Variants in UQCR11 observed in about 807,000 individuals in gnomAD.
UQCR11 encodes the protein cytochrome b-c1 complex subunit 10.
In UQCR11, 10 loss-of-function variants were observed where a neutral mutation model predicts 7.6. That is an observed-to-expected ratio of 1.31 (90% CI 0.81 to 2.22). The LOEUF is 2.22. UQCR11 is among the 30% of genes most tolerant of loss of function. The pLI is 0.00. For missense variants in UQCR11, 86 were observed against 75.1 expected (o/e 1.15, Z -0.54); for synonymous variants, 34 against 34.9 (o/e 0.97, Z 0.09).
At chr19:1,599,766 T>C (rs1302835402) in intron 1 of UQCR11, among the ~76,000 whole-genome samples, 1 of 152,208 alleles carries the variant, frequency 6.6e-6, no homozygotes, top group Non-Finnish European at 1.5e-5. Context: ...CAGTAACTGC[T>C]CAAGGGGCTG....
rs1010548927 is a variant in UQCR11 at position 1,597,594 on chromosome 19, A to C, written c.*650T>G. On this transcript the variant is annotated 3_prime_UTR_variant, in exon 3 of 3. Transcript: ENST00000591899. Reference sequence around the variant, plus strand: ...CAGAGGCCATGCCGTGAGGATGCTCAAGCAGCTTCGTGTAGGGGCCCCCAT... The same window carrying C: ...CAGAGGCCATGCCGTGAGGATGCTCCAGCAGCTTCGTGTAGGGGCCCCCAT... 3 of 152,200 alleles carry C rather than the reference A, an allele frequency of 2.0e-5. No homozygotes were observed. The highest frequency in any genetic ancestry group is 2.9e-5 in the Non-Finnish European group (2 of 68,040). The allele number at this position is 152,200 out of a possible 1,614,324, so 9.4% of individuals were successfully genotyped here. A position where few individuals can be genotyped will look rare whatever the true frequency, so the allele number is the denominator to read the frequency against.
At chr19:1,604,926 G>A (rs2060757699) in intron 1 of UQCR11, among the ~76,000 whole-genome samples, 1 of 152,264 alleles carries the variant, frequency 6.6e-6, no homozygotes, top group African/African-American at 2.4e-5. Flanking sequence ...ATGCCGTCCC[G>A]CTGCCCACGT....
chr19:1,604,528 T>A (rs1362532774), intron 1 of UQCR11, among the ~76,000 whole-genome samples: 2 of 150,032 alleles, frequency 1.3e-5, no homozygotes, highest in South Asian at 2.1e-4. Context: ...TGCTGCTTTT[T>A]TTTTCTTTTC....
At chr19:1,604,992 A>T (rs2060757833) in intron 1 of UQCR11, among the ~76,000 whole-genome samples, 1 of 152,206 alleles carries the variant, frequency 6.6e-6, no homozygotes, top group African/African-American at 2.4e-5. Flanking sequence ...TAAAAACCAA[A>T]ATAGTGGCAA....
intron 1 of UQCR11, 122 bp from the exon 2 acceptor site, chr19:1,599,682 CG>C (rs2060741639): frequency 7.0e-7 from 1 of 1,429,300 alleles, no homozygotes; most frequent in African/African-American, 1.4e-5. Context: ...CACCTGTGCC[CG>C]CCCAGTGCTG....
intron 1 of UQCR11, among the ~76,000 whole-genome samples, chr19:1,600,287 C>T (rs1295838380): frequency 1.4e-5 from 2 of 148,074 alleles, no homozygotes; most frequent in East Asian, 4.0e-4. Context: ...GATCTCGGCT[C>T]ACTGCAATCT....
intron 1 of UQCR11, among the ~76,000 whole-genome samples, chr19:1,601,577 G>A (rs1355284382): frequency 6.9e-6 from 1 of 143,984 alleles, no homozygotes; most frequent in Non-Finnish European, 1.5e-5. Context: ...CTCCAGCCTG[G>A]TGACAGAGCG....
rs1351374562 is a variant in UQCR11 at position 1,597,650 on chromosome 19, A to G, written c.*594T>C. The G allele has an allele frequency of 6.6e-6, 1 of 152,046 alleles. No individual in the cohort carries two copies. Among genetic ancestry groups the G allele is most frequent in the Non-Finnish European group, 1.5e-5 (1 of 67,992 alleles). The allele number at this position is 152,046 out of a possible 1,614,324, so 9.4% of individuals were successfully genotyped here. ...GGAACTGTGGCTGTCACCGACAGCC[A>G]CGTGAGGGCACTGGCTTGGAAGTGG... On this transcript the variant is annotated 3_prime_UTR_variant, in exon 3 of 3. Coordinates refer to ENST00000591899, the MANE Select transcript of UQCR11 (RefSeq NM_006830.4).
intron 1 of UQCR11, among the ~76,000 whole-genome samples, chr19:1,600,792 T>C (rs1305772910): frequency 6.6e-6 from 1 of 152,168 alleles, no homozygotes; most frequent in African/African-American, 2.4e-5. Flanking sequence ...GAGGATCTCT[T>C]GAGCCCAGGA....
intron 1 of UQCR11, among the ~76,000 whole-genome samples, chr19:1,603,620 G>GAATA (rs991751086): frequency 7.9e-5 from 12 of 152,060 alleles, no homozygotes; most frequent in African/African-American, 1.2e-4. Context: ...ATAAATAAAT[G>GAATA]AATAAATAAA....
At position 1,599,435 on chromosome 19, in the gene UQCR11, T is replaced by C; in HGVS notation, c.*5A>G. 1.2e-6 allele frequency: 2 copies of C among 1,613,664 alleles called. No individual in the cohort carries two copies. Among genetic ancestry groups the C allele is most frequent in the Non-Finnish European group, 8.5e-7 (1 of 1,179,926 alleles). Reference sequence around the variant, plus strand: ...ACCAGAGCAGTCTGTGAAGGGTTTGTGTAATTAATTATCCTTCTTAAACTT... The same window carrying C: ...ACCAGAGCAGTCTGTGAAGGGTTTGCGTAATTAATTATCCTTCTTAAACTT... On this transcript the variant is annotated 3_prime_UTR_variant, in exon 2 of 3. Transcript: ENST00000591899.
chr19:1,601,499 G>T (rs2060746946), intron 1 of UQCR11, among the ~76,000 whole-genome samples: 1 of 151,380 alleles, frequency 6.6e-6, no homozygotes, highest in African/African-American at 2.4e-5. Flanking sequence ...TACTTGGGAG[G>T]CTGAGGCAGG....
At chr19:1,604,905 G>A (rs1211785594) in intron 1 of UQCR11, among the ~76,000 whole-genome samples, 1 of 152,258 alleles carries the variant, frequency 6.6e-6, no homozygotes, top group African/African-American at 2.4e-5. Flanking sequence ...GCTTCTATGG[G>A]GGCCACCCCT....
chr19:1,605,182 AC>A (rs2060758330), intron 1 of UQCR11, among the ~76,000 whole-genome samples, 177 bp downstream of exon 1: 2 of 152,032 alleles, frequency 1.3e-5, no homozygotes, highest in Admixed American at 1.3e-4. Flanking sequence ...CGTCCCGTTC[AC>A]GCCGGGACGC....
intron 2 of UQCR11, 105 bp from the exon 3 acceptor site, chr19:1,598,320 G>C (rs2060737259): frequency 6.6e-6 from 1 of 152,424 alleles, no homozygotes; most frequent in African/African-American, 2.4e-5. Context: ...CGAGGCGGGC[G>C]CATCACCTGA....
intron 1 of UQCR11, among the ~76,000 whole-genome samples, chr19:1,602,732 G>A (rs1195008736): frequency 2.0e-5 from 3 of 152,268 alleles, no homozygotes; most frequent in East Asian, 1.9e-4. Context: ...GATTACACGC[G>A]TGAGCCACTG....
chr19:1,600,101 AGG>A (rs1397588057), intron 1 of UQCR11, among the ~76,000 whole-genome samples: 35 of 105,464 alleles, frequency 3.3e-4, no homozygotes, highest in Non-Finnish European at 7.8e-4. Flanking sequence ...AGCAGATTCT[AGG>A]AAGGCCCAGC....
chr19:1,605,215 A>C, intron 1 of UQCR11, 145 bp downstream of exon 1: 3 of 1,010,606 alleles, frequency 3.0e-6, no homozygotes, highest in Non-Finnish European at 4.1e-6. Context: ...TCTCGGCCTC[A>C]GTTTCCCCCT....
At position 1,605,460 on chromosome 19, in the gene UQCR11, A is replaced by G. The variant is rs562529200; in HGVS notation, c.-51T>C. 1 of 1,177,488 alleles carries G rather than the reference A, an allele frequency of 8.5e-7. No individual in the cohort carries two copies. The highest frequency in any genetic ancestry group is 9.5e-5 in the East Asian group (1 of 10,488). The allele number at this position is 1,177,488 out of a possible 1,614,324, so 72.9% of individuals were successfully genotyped here. On this transcript the variant is annotated 5_prime_UTR_variant, in exon 1 of 3. Transcript: ENST00000591899. ...GACCCTGTCCAGCTGACCCGGCTAC[A>G]CTGCGCAGGCGCGGCCGCGGCGCGC...
Sources: gnomAD v4.1 joint callset for allele counts (sites outside exome capture counted in the v4.1 genomes callset) on GRCh38, gnomAD v4.1.1 for gene constraint, MANE v1.5 for transcripts, NCBI Gene and HGNC (gene_info 2026-07-23, HGNC 2026-07-21) for gene names.